The following NRXN3 variants were observed in gnomAD, a reference collection of about 807,000 sequenced individuals.
NRXN3 encodes the protein neurexin 3.
NRXN3 carries 32 observed loss-of-function variants against 137.6 expected under a neutral mutation model. The ratio of observed to expected loss-of-function variants is 0.23; its 90% CI spans 0.18 to 0.31. NRXN3 has a LOEUF of 0.31. Ranked by LOEUF, NRXN3 falls within the 10% of genes least tolerant of loss-of-function variation. The pLI is 1.00. For missense variants in NRXN3, 1,574 were observed against 2,062.5 expected, an observed-to-expected ratio of 0.76 and a Z score of 4.59; for synonymous variants, 798 against 784.5, an observed-to-expected ratio of 1.02 and a Z score of -0.29.
chr14:78,434,462 C>G (rs2093994883), intron 4 of NRXN3, among the ~76,000 whole-genome samples: 1 of 152,102 alleles, frequency 6.6e-6, no homozygotes, highest in Non-Finnish European at 1.5e-5. Context: ...CATCTGTTAC[C>G]ATGTTTCCAA....
At chr14:78,501,612 G>A (rs957325207) in intron 4 of NRXN3, among the ~76,000 whole-genome samples, 3 of 152,170 alleles carry the variant, frequency 2.0e-5, no homozygotes, top group African/African-American at 7.2e-5. Context: ...AATACTAGGA[G>A]GTAGGGATTG....
At chr14:79,801,139 C>T (rs1046469265) in intron 19 of NRXN3, among the ~76,000 whole-genome samples, 1 of 152,166 alleles carries the variant, frequency 6.6e-6, no homozygotes, top group African/African-American at 2.4e-5. Flanking sequence ...TTTCAGTTGG[C>T]TGTACCTCTA....
At chr14:78,459,936 T>C (rs889404488) in intron 4 of NRXN3, among the ~76,000 whole-genome samples, 2 of 152,150 alleles carry the variant, frequency 1.3e-5, no homozygotes, top group Non-Finnish European at 2.9e-5. Flanking sequence ...GGTCCTCCAC[T>C]TCAGATGTCA....
intron 15 of NRXN3, among the ~76,000 whole-genome samples, chr14:79,354,963 T>G (rs1464613562): frequency 6.6e-6 from 1 of 152,182 alleles, no homozygotes; most frequent in Non-Finnish European, 1.5e-5. Context: ...TATAGATAAT[T>G]GTTGTTGGTT....
intron 4 of NRXN3, among the ~76,000 whole-genome samples, chr14:78,636,611 G>A (rs995644505): frequency 6.6e-6 from 1 of 152,168 alleles, no homozygotes; most frequent in African/African-American, 2.4e-5. Flanking sequence ...ATTCCCCTCT[G>A]TAAGACGGAG....
intron 19 of NRXN3, among the ~76,000 whole-genome samples, chr14:79,751,125 G>C (rs1712025070): frequency 6.6e-6 from 1 of 152,090 alleles, no homozygotes; most frequent in Non-Finnish European, 1.5e-5. Flanking sequence ...TTGGTAGCTT[G>C]ATGGGGATGG....
chr14:78,649,730 C>T (rs563225499), intron 5 of NRXN3, among the ~76,000 whole-genome samples: 1 of 151,604 alleles, frequency 6.6e-6, no homozygotes, highest in Non-Finnish European at 1.5e-5. Flanking sequence ...CTTTTTTTCT[C>T]CTTTCCCACT....
chr14:78,775,418 T>A (rs2153008611), intron 8 of NRXN3, among the ~76,000 whole-genome samples: 1 of 152,340 alleles, frequency 6.6e-6, no homozygotes, highest in South Asian at 2.1e-4. Context: ...TGGCTTTGAA[T>A]GTGGCCCAAC....
intron 15 of NRXN3, among the ~76,000 whole-genome samples, chr14:79,263,293 A>G (rs185218775): frequency 5.6e-4 from 86 of 152,330 alleles, no homozygotes; most frequent in Admixed American, 1.8e-3. Context: ...AAGATTACCA[A>G]TCTTACCATT....
At chr14:79,331,056 G>C (rs560222332) in intron 15 of NRXN3, among the ~76,000 whole-genome samples, 9 of 152,258 alleles carry the variant, frequency 5.9e-5, no homozygotes, top group Admixed American at 4.6e-4. Flanking sequence ...CTGGCTGATT[G>C]ACTGTTTCCT....
At chr14:79,580,594 A>T (rs1268307470) in intron 16 of NRXN3, among the ~76,000 whole-genome samples, 4 of 152,166 alleles carry the variant, frequency 2.6e-5, no homozygotes, top group Non-Finnish European at 5.9e-5. Context: ...TCCTAATTAA[A>T]TGGAGGATTA....
chr14:79,289,938 C>CAT (rs769347020), intron 15 of NRXN3, among the ~76,000 whole-genome samples: 4 of 152,150 alleles, frequency 2.6e-5, no homozygotes, highest in African/African-American at 9.7e-5. Flanking sequence ...GCTATGAAAA[C>CAT]ATAAAGCCCC....
At chr14:79,279,657 C>T (rs1486345443) in intron 15 of NRXN3, 45 of 986,694 alleles carry the variant, frequency 4.6e-5, no homozygotes, top group Non-Finnish European at 5.3e-5. Flanking sequence ...AGGAAGCCGG[C>T]GGCTGCTCCG....
chr14:79,293,354 A>C (rs1010485812), intron 15 of NRXN3, among the ~76,000 whole-genome samples: 2 of 152,334 alleles, frequency 1.3e-5, no homozygotes, highest in African/African-American at 4.8e-5. Context: ...TCTGCTTTGC[A>C]TTTGTGGAAT....
chr14:78,346,153 T>C (rs867872216), intron 4 of NRXN3, among the ~76,000 whole-genome samples: 4 of 152,278 alleles, frequency 2.6e-5, no homozygotes, highest in Middle Eastern at 6.8e-3. Flanking sequence ...CATCTTCTGA[T>C]GCATGATTCT....
At chr14:78,743,649 G>T (rs2152932046) in intron 8 of NRXN3, among the ~76,000 whole-genome samples, 1 of 152,298 alleles carries the variant, frequency 6.6e-6, no homozygotes, top group Non-Finnish European at 1.5e-5. Flanking sequence ...ATCCTTAGCT[G>T]AACATAGTTT....
intron 6 of NRXN3, among the ~76,000 whole-genome samples, chr14:78,661,820 G>C (rs2097844153): frequency 6.6e-6 from 1 of 151,838 alleles, no homozygotes; most frequent in African/African-American, 2.4e-5. Context: ...GTTGTATTGA[G>C]ATCATGCATG....
At chr14:78,915,501 G>T (rs1295031893) in intron 10 of NRXN3, among the ~76,000 whole-genome samples, 2 of 151,938 alleles carry the variant, frequency 1.3e-5, no homozygotes, top group African/African-American at 4.8e-5. Flanking sequence ...GAGGTTATGA[G>T]AAATATTCTA....
chr14:78,229,745 C>A (rs2065132548), intron 1 of NRXN3, among the ~76,000 whole-genome samples: 1 of 152,220 alleles, frequency 6.6e-6, no homozygotes, highest in African/African-American at 2.4e-5. Context: ...CTGGGAGGGT[C>A]TGAAGTGTGC....
Sources: allele counts gnomAD v4.1 joint callset (sites outside exome capture counted in the v4.1 genomes callset), GRCh38; gene constraint gnomAD v4.1.1; transcripts MANE v1.5; gene names NCBI Gene and HGNC (gene_info 2026-07-23, HGNC 2026-07-21).